The following PKHD1L1 variants were observed in gnomAD, a reference collection of about 807,000 sequenced individuals.
PKHD1L1 encodes PKHD1 like 1, also known as fibrocystin-L.
A neutral mutation model predicts 462.9 loss-of-function variants in PKHD1L1; 434 were observed. The observed-to-expected ratio is 0.94, with a 90% confidence interval of 0.87 to 1.02. The LOEUF (loss-of-function observed/expected upper bound fraction) is 1.02. PKHD1L1 is among the 50% of genes least tolerant of loss of function. The pLI, the probability that PKHD1L1 is intolerant of heterozygous loss-of-function variation, is 0.00. For missense variants in PKHD1L1, 5,202 were observed against 5,096.1 expected (o/e 1.02, Z -0.63); for synonymous variants, 1,781 against 1,750.0 (o/e 1.02, Z -0.44).
chr8:109,407,467 G>C (rs1328014277), intron 17 of PKHD1L1, among the ~76,000 whole-genome samples: 2 of 151,992 alleles, frequency 1.3e-5, no homozygotes, highest in East Asian at 1.9e-4. Context: ...CAACAAAAAG[G>C]GTCAAAAAGA....
In PKHD1L1 at chr8:109,532,544, G is replaced by A. The variant is rs934235158; in HGVS notation, c.*2454G>A. Among the ~76,000 whole-genome samples the A allele has an allele frequency of 3.9e-5, 6 of 152,078 alleles. No homozygotes were observed. The highest frequency in any genetic ancestry group is 1.4e-4 in the African/African-American group (6 of 41,402). ...AAAATAATTTGTATTGTAAGAAGTG[G>A]CTATCTAGCTCTTGAACAAGTCATA... On this transcript the variant is annotated 3_prime_UTR_variant, in exon 78 of 78. Transcript: ENST00000378402.
intron 44 of PKHD1L1, 93 bp downstream of exon 44, chr8:109,454,339 A>T (rs1336256398): frequency 3.6e-6 from 3 of 835,026 alleles, no homozygotes; most frequent in Admixed American, 2.9e-5. Context: ...AATTATATCA[A>T]CCTCTCCTAA....
At chr8:109,365,538 A>G (rs1393187537) in intron 2 of PKHD1L1, among the ~76,000 whole-genome samples, 1 of 152,214 alleles carries the variant, frequency 6.6e-6, no homozygotes, top group Non-Finnish European at 1.5e-5. Context: ...CATGAACAAT[A>G]TAATTGTTAA....
At chr8:109,431,454 A>G (rs1315330097) in intron 27 of PKHD1L1, among the ~76,000 whole-genome samples, 5 of 152,126 alleles carry the variant, frequency 3.3e-5, no homozygotes, top group Admixed American at 1.3e-4. Flanking sequence ...TCCCCTACAT[A>G]ACTCTCGAGG....
At chr8:109,415,087 T>C (rs1051690835) in intron 21 of PKHD1L1, among the ~76,000 whole-genome samples, 1 of 151,778 alleles carries the variant, frequency 6.6e-6, no homozygotes, top group Admixed American at 6.6e-5. Flanking sequence ...AGCCTTCACC[T>C]TCTGGGCTCA....
intron 56 of PKHD1L1, 33 bp downstream of exon 56, chr8:109,481,595 C>T: frequency 6.6e-7 from 1 of 1,512,300 alleles, no homozygotes. Context: ...AGTGTCACAT[C>T]TGTTTTAAGA....
At chr8:109,437,012 T>A (rs1027106593) in intron 30 of PKHD1L1, among the ~76,000 whole-genome samples, 1 of 152,068 alleles carries the variant, frequency 6.6e-6, no homozygotes, top group Non-Finnish European at 1.5e-5. Flanking sequence ...GCCTCCCGGG[T>A]TCAAGCGATT....
intron 11 of PKHD1L1, among the ~76,000 whole-genome samples, chr8:109,396,439 T>C (rs907246062): frequency 2.6e-5 from 4 of 152,212 alleles, no homozygotes; most frequent in African/African-American, 9.6e-5. Context: ...AGGACACACC[T>C]ACCCTTAATT....
chr8:109,463,181 T>A (rs1037571507), intron 48 of PKHD1L1, among the ~76,000 whole-genome samples: 1 of 152,306 alleles, frequency 6.6e-6, no homozygotes, highest in Non-Finnish European at 1.5e-5. Context: ...TAAATATGCA[T>A]GTTATCCCTA....
In PKHD1L1 at chr8:109,384,139, G is replaced by A. The variant is rs1169865129; in HGVS notation, c.475+12G>A. 6.3e-7 allele frequency: 1 copy of A among 1,590,614 alleles called. No homozygotes were observed. Among genetic ancestry groups the A allele is most frequent in the Non-Finnish European group, 8.6e-7 (1 of 1,161,132 alleles). ...ATCTGGAACTCCAGGTCTGTTATAT[G>A]ACATCTGAAATAACTTTTGGTTTCA... On this transcript the variant is annotated intron_variant, in intron 5 of 77. Transcript: ENST00000378402.
intron 76 of PKHD1L1, among the ~76,000 whole-genome samples, chr8:109,524,679 A>G (rs920624515): frequency 6.6e-5 from 10 of 152,326 alleles, no homozygotes; most frequent in African/African-American, 2.4e-4. Flanking sequence ...TTTTTCTTTC[A>G]TACGTTAAGT....
At chr8:109,398,181 CAA>C (rs1813073708) in intron 11 of PKHD1L1, among the ~76,000 whole-genome samples, 1 of 151,962 alleles carries the variant, frequency 6.6e-6, no homozygotes, top group Non-Finnish European at 1.5e-5. Flanking sequence ...ACATTTTGTG[CAA>C]AGACATAGTA....
Position 109,441,299 on chromosome 8 carries a change from C to G in PKHD1L1, c.4124C>G (p.Ser1375Ter). 6.3e-7 allele frequency: 1 copy of G among 1,583,068 alleles called. No individual in the cohort carries two copies. Among genetic ancestry groups the G allele is most frequent in the Non-Finnish European group, 8.6e-7 (1 of 1,159,558 alleles). ...GGGTCCATCCCTTGCAATGTTACAT[C>G]ATCATCAGAAAATGTCATAAAATGT... The part of the protein sequence containing the change: ...LLGSIPCNVT[S>*]SSENVIKCIL... The change falls in exon 34 of 78, where the codon TCA (serine) becomes TGA (stop). Residue 1375 changes from serine (S) to a stop codon, truncating the protein, a stop_gained. Transcript: ENST00000378402. LOFTEE classifies it high-confidence loss of function.
chr8:109,376,370 G>T (rs1381985945), intron 2 of PKHD1L1, among the ~76,000 whole-genome samples: 2 of 152,216 alleles, frequency 1.3e-5, no homozygotes, highest in South Asian at 4.1e-4. Context: ...TAGGGTGGGA[G>T]TGACCTGATT....
At position 109,420,592 on chromosome 8, in the gene PKHD1L1, A is replaced by G. The variant is rs1169521791; in HGVS notation, c.2599A>G (p.Lys867Glu). ...FLEHFQVNQTKTNGPTMTNQY... is the reference protein window; with the variant it reads ...FLEHFQVNQTETNGPTMTNQY... ...AGAGCACTTTCAGGTGAATCAGACC[A>G]AAACAAATGGGCCAACTATGACAAA... Residue 867 changes from lysine to glutamate, a missense_variant, in exon 23 of 78, where the codon AAA becomes GAA. This residue lies in a region of PKHD1L1 where 4,497 missense variants were observed against 4,336.8 expected (regional missense o/e 1.04). Coordinates refer to ENST00000378402, the MANE Select transcript of PKHD1L1 (RefSeq NM_177531.6). 6.2e-7 allele frequency: 1 copy of G among 1,610,576 alleles called. No individual in the cohort carries two copies. Among genetic ancestry groups the G allele is most frequent in the Non-Finnish European group, 8.5e-7 (1 of 1,178,372 alleles).
At chr8:109,480,569 C>A (rs1254526979) in intron 55 of PKHD1L1, 2 of 454,738 alleles carry the variant, frequency 4.4e-6, no homozygotes, top group Non-Finnish European at 8.8e-6. Context: ...GAAAATAAAT[C>A]AAAATGTTAC....
chr8:109,375,776 T>A (rs1184015517), intron 2 of PKHD1L1, among the ~76,000 whole-genome samples: 2 of 152,222 alleles, frequency 1.3e-5, no homozygotes, highest in African/African-American at 4.8e-5. Context: ...CTCCAGACCC[T>A]GTTTGCTTAG....
intron 50 of PKHD1L1, among the ~76,000 whole-genome samples, chr8:109,471,343 A>G (rs1363671933): frequency 6.6e-6 from 1 of 152,198 alleles, no homozygotes; most frequent in Non-Finnish European, 1.5e-5. Flanking sequence ...GAGCAAAATA[A>G]TGCAACGCAG....
At chr8:109,492,122 T>C in intron 62 of PKHD1L1, 128 bp downstream of exon 62, 1 of 708,838 alleles carries the variant, frequency 1.4e-6, no homozygotes, top group East Asian at 3.1e-5. Flanking sequence ...TCGATGGCCA[T>C]TGATTTTTTT....
Sources: gnomAD v4.1 joint callset for allele counts (sites outside exome capture counted in the v4.1 genomes callset) on GRCh38, gnomAD v4.1.1 for gene constraint, gnomAD v4.1.1 regional missense constraint, MANE v1.5 for transcripts, NCBI Gene and HGNC (gene_info 2026-07-23, HGNC 2026-07-21) for gene names.